The following RAB11A variants were observed in gnomAD, a reference collection of about 807,000 sequenced individuals.
The protein encoded by RAB11A is ras-related protein Rab-11A.
Under a neutral mutation model 28.0 loss-of-function variants are expected in RAB11A, and 9 were observed. The observed-to-expected ratio is 0.32, with a 90% CI of 0.19 to 0.56. The LOEUF (loss-of-function observed/expected upper bound fraction) is 0.56. Among genes scored for constraint, RAB11A ranks in the 20% least tolerant of loss-of-function variants. RAB11A has a pLI of 0.91. For synonymous variants in RAB11A, 85 were observed against 88.2 expected, an observed-to-expected ratio of 0.96 and a Z score of 0.20; for missense variants, 108 against 269.6, an observed-to-expected ratio of 0.40 and a Z score of 4.20.
chr15:65,888,358 G>A lies in RAB11A; in HGVS notation c.*518G>A, dbSNP rs1287791629. ...TATTCTGGACATGAATTTCTAAAATGCCTTAATAGGTTTATGTAGTTGAGT... is the reference window on the plus strand; with the variant it reads ...TATTCTGGACATGAATTTCTAAAATACCTTAATAGGTTTATGTAGTTGAGT... On this transcript the variant is annotated 3_prime_UTR_variant, in exon 5 of 5. Transcript: ENST00000261890. The A allele has an allele frequency of 6.6e-6, 1 of 152,662 alleles. No homozygotes were observed. The highest frequency in any genetic ancestry group is 1.5e-5 in the Non-Finnish European group (1 of 68,076). The allele number at this position is 152,662 out of a possible 1,614,324, so 9.5% of individuals were successfully genotyped here.
At chr15:65,873,041 A>T (rs774444828) in intron 1 of RAB11A, among the ~76,000 whole-genome samples, 14 of 152,222 alleles carry the variant, frequency 9.2e-5, no homozygotes, top group Non-Finnish European at 1.9e-4. Context: ...AGTGGTCTAA[A>T]TAGGAATGTA....
At chr15:65,879,777 C>A in intron 4 of RAB11A, 26 bp downstream of exon 4, 1 of 1,478,938 alleles carries the variant, frequency 6.8e-7, no homozygotes, top group Non-Finnish European at 9.4e-7. Context: ...TCAGATTACA[C>A]CAGTAGGACT....
rs1354543887 is a variant in RAB11A, at chr15:65,890,831, C to T, written c.*2991C>T. 6.6e-6 allele frequency: 1 copy of T among 152,094 alleles called. No homozygotes were observed. Among genetic ancestry groups the T allele is most frequent in the Admixed American group, 6.5e-5 (1 of 15,278 alleles). The allele number at this position is 152,094 out of a possible 1,614,324, so 9.4% of individuals were successfully genotyped here. A position where few individuals can be genotyped will look rare whatever the true frequency, so the allele number is the denominator to read the frequency against. ...TGGATATTTAAGAACTTATTCTAAC[C>T]TGTCAGGTTTCAATTTGTGGGGCTT... On this transcript the variant is annotated 3_prime_UTR_variant, in exon 5 of 5. Coordinates refer to ENST00000261890, the MANE Select transcript of RAB11A (RefSeq NM_004663.5).
chr15:65,873,590 G>C (rs1023795126), intron 1 of RAB11A, among the ~76,000 whole-genome samples: 3 of 151,904 alleles, frequency 2.0e-5, no homozygotes, highest in African/African-American at 4.8e-5. Flanking sequence ...GTCTCCCTCT[G>C]TTGCCCAGTC....
chr15:65,882,925 A>G (rs1012262803), intron 4 of RAB11A, among the ~76,000 whole-genome samples: 1 of 152,206 alleles, frequency 6.6e-6, no homozygotes, highest in African/African-American at 2.4e-5. Context: ...ATTTGCAAAT[A>G]TCCTTCACCC....
chr15:65,874,963 C>T (rs1193002858), intron 1 of RAB11A, among the ~76,000 whole-genome samples: 1 of 152,112 alleles, frequency 6.6e-6, no homozygotes, highest in South Asian at 2.1e-4. Flanking sequence ...TGGGAGGATC[C>T]TCTGAGCCTG....
chr15:65,870,035 G>C lies in RAB11A; in HGVS notation c.40+410G>C, dbSNP rs1228938860. ...GTCCTCTCCCGAAGCCCCTCTGACG[G>C]GTTCTTCGCTTCCCTCTTGGCCTTG... On this transcript the variant is annotated intron_variant, in intron 1 of 4. Coordinates refer to ENST00000261890, the MANE Select transcript of RAB11A (RefSeq NM_004663.5). The C allele has an allele frequency of 1.8e-5, 3 of 169,176 alleles. No homozygotes were observed. The East Asian group carries it at 4.9e-4, about 28-fold the overall frequency. The allele number at this position is 169,176 out of a possible 1,614,324, so 10.5% of individuals were successfully genotyped here. A position where few individuals can be genotyped will look rare whatever the true frequency, so the allele number is the denominator to read the frequency against.
intron 4 of RAB11A, among the ~76,000 whole-genome samples, chr15:65,883,573 A>G (rs2078235828): frequency 6.6e-6 from 1 of 152,262 alleles, no homozygotes. Flanking sequence ...TGTCCAGGAT[A>G]TCTTTTTAGC....
chr15:65,880,808 T>C (rs1417469553), intron 4 of RAB11A, among the ~76,000 whole-genome samples: 1 of 152,178 alleles, frequency 6.6e-6, no homozygotes, highest in African/African-American at 2.4e-5. Flanking sequence ...ATCTATAAAA[T>C]TCATATATAT....
intron 4 of RAB11A, among the ~76,000 whole-genome samples, chr15:65,880,802 A>G (rs1252533454): frequency 6.6e-6 from 1 of 152,184 alleles, no homozygotes; most frequent in East Asian, 1.9e-4. Flanking sequence ...TTCTCCATCT[A>G]TAAAATTCAT....
At chr15:65,882,067 A>G (rs190449726) in intron 4 of RAB11A, among the ~76,000 whole-genome samples, 11 of 152,238 alleles carry the variant, frequency 7.2e-5, no homozygotes, top group Non-Finnish European at 1.3e-4. Flanking sequence ...AAAAAAAAAG[A>G]TGAACATATA....
intron 1 of RAB11A, among the ~76,000 whole-genome samples, chr15:65,873,219 G>A (rs868065903): frequency 1.3e-5 from 2 of 152,138 alleles, no homozygotes; most frequent in African/African-American, 2.4e-5. Context: ...TACGAACAAT[G>A]TGGTTAAGGC....
intron 4 of RAB11A, among the ~76,000 whole-genome samples, chr15:65,882,170 A>G (rs544065099): frequency 1.1e-4 from 17 of 152,344 alleles, no homozygotes; most frequent in Non-Finnish European, 2.2e-4. Flanking sequence ...ACTTGCTACC[A>G]CTTTTCCTTT....
At position 65,877,689 on chromosome 15, in the gene RAB11A, C is replaced by T; in HGVS notation, c.237-73C>T. 2.9e-6 allele frequency: 4 copies of T among 1,372,150 alleles called. No homozygotes were observed. The highest frequency in any genetic ancestry group is 3.0e-6 in the Non-Finnish European group (3 of 1,003,784). 85.0% of individuals were successfully genotyped at this position (1,372,150 alleles called of 1,614,324 possible). On this transcript the variant is annotated intron_variant, in intron 2 of 4. Coordinates refer to ENST00000261890, the MANE Select transcript of RAB11A (RefSeq NM_004663.5). This position sits in a 1 kb window ranked among gnomAD's most constrained non-coding sequence, Gnocchi z 4.1. ...AAGTATGTTTTTAAAACTCATGATCCATATTTTGAGTTCTTCCTGGTGTTT... is the reference window on the plus strand; with the variant it reads ...AAGTATGTTTTTAAAACTCATGATCTATATTTTGAGTTCTTCCTGGTGTTT...
At chr15:65,886,100 G>A (rs1194552667) in intron 4 of RAB11A, among the ~76,000 whole-genome samples, 1 of 152,240 alleles carries the variant, frequency 6.6e-6, no homozygotes, top group Non-Finnish European at 1.5e-5. Flanking sequence ...GCTTCATCCT[G>A]TGCCAGGGAG....
chr15:65,869,943 C>T (rs1296554323), intron 1 of RAB11A: 1 of 264,718 alleles, frequency 3.8e-6, no homozygotes, highest in Non-Finnish European at 7.2e-6. Flanking sequence ...CCCCGCCGCT[C>T]CTCCCACCAT....
rs1050097734 is a variant in RAB11A at position 65,889,174 on chromosome 15, A to C, written c.*1334A>C. On this transcript the variant is annotated 3_prime_UTR_variant, in exon 5 of 5. Transcript: ENST00000261890. ...TCAGGATGGTGGGAAATCCCCAAAA[A>C]TATGTATGTGTGGGCTTGCTTAGAT... 4.6e-5 allele frequency: 7 copies of C among 152,750 alleles called. No homozygotes were observed. The South Asian group carries it at 6.2e-4, about 14-fold the overall frequency. 9.5% of individuals were successfully genotyped at this position (152,750 alleles called of 1,614,324 possible). A position where few individuals can be genotyped will look rare whatever the true frequency, so the allele number is the denominator to read the frequency against.
At chr15:65,872,025 C>G (rs943139454) in intron 1 of RAB11A, among the ~76,000 whole-genome samples, 2 of 147,520 alleles carry the variant, frequency 1.4e-5, no homozygotes, top group Admixed American at 1.4e-4. Context: ...TCGGCCTCCT[C>G]AGGCTCAGGT....
intron 1 of RAB11A, 61 bp downstream of exon 1, chr15:65,869,686 G>A: frequency 7.1e-6 from 11 of 1,550,404 alleles, no homozygotes; most frequent in Non-Finnish European, 9.7e-6. Flanking sequence ...GCCACTCCCG[G>A]TGGACCCTCG....
Sources: gnomAD v4.1 joint callset for allele counts (sites outside exome capture counted in the v4.1 genomes callset) on GRCh38, gnomAD v4.1.1 for gene constraint, Gnocchi (gnomAD v3.1) non-coding constraint, MANE v1.5 for transcripts, NCBI Gene and HGNC (gene_info 2026-07-23, HGNC 2026-07-21) for gene names.